SLC44A5: variants seen among roughly 807,000 people sequenced by gnomAD.
SLC44A5 encodes choline transporter-like protein 5.
A neutral mutation model predicts 101.8 loss-of-function variants in SLC44A5; 57 were observed. That is an observed-to-expected ratio of 0.56 (90% CI 0.45 to 0.70). The LOEUF (loss-of-function observed/expected upper bound fraction) is 0.70, where lower values mean the gene tolerates loss of function less well. Among genes scored for constraint, SLC44A5 ranks in the 30% least tolerant of loss-of-function variants. SLC44A5 has a pLI of 0.00. For synonymous variants in SLC44A5, 281 were observed against 290.9 expected (o/e 0.97, Z 0.35); for missense variants, 737 against 853.1 (o/e 0.86, Z 1.70).
At chr1:75,679,248 G>A in the SLC44A5 span, among the ~76,000 whole-genome samples, 17 of 152,082 alleles carry the variant, frequency 1.1e-4, no homozygotes, top group Non-Finnish European at 2.2e-4. Context: ...TTCAGATTCA[G>A]AAAACACAGA....
At chr1:75,519,679 A>AG (rs1670014431) in intron 2 of SLC44A5, among the ~76,000 whole-genome samples, 1 of 152,270 alleles carries the variant, frequency 6.6e-6, no homozygotes, top group South Asian at 2.1e-4. Flanking sequence ...ATAGCTCAGC[A>AG]GACTAAAGCC....
rs139801834 is a variant in SLC44A5 at position 75,565,896 on chromosome 1, C to T, written c.-69-24380G>A. On this transcript the variant is annotated intron_variant, in intron 1 of 23. Coordinates refer to ENST00000370859, the MANE Select transcript of SLC44A5 (RefSeq NM_001130058.2). Reference sequence around the variant, plus strand: ...AGGTAATGAAGTAGCATCTGAAATACAAATTTTTAAAATCCTAGTTGGCAT... The same window carrying T: ...AGGTAATGAAGTAGCATCTGAAATATAAATTTTTAAAATCCTAGTTGGCAT... 5.7e-3 allele frequency among the ~76,000 whole-genome samples: 868 copies of T among 152,230 alleles called. 15 individuals are homozygous for T. The highest frequency in any genetic ancestry group is 0.035 in the Admixed American group (533 of 15,284).
chr1:75,662,877 T>C, the SLC44A5 span, among the ~76,000 whole-genome samples: 3 of 152,142 alleles, frequency 2.0e-5, no homozygotes, highest in African/African-American at 7.2e-5. Flanking sequence ...CATATAGTCA[T>C]TTGGCCTTTC....
At chr1:75,700,433 A>C in the SLC44A5 span, among the ~76,000 whole-genome samples, 3 of 149,506 alleles carry the variant, frequency 2.0e-5, no homozygotes, top group Admixed American at 6.7e-5. Context: ...ATGAAGGCAG[A>C]AATAAAGATG....
intron 2 of SLC44A5, among the ~76,000 whole-genome samples, chr1:75,502,173 G>C (rs976686771): frequency 6.6e-6 from 1 of 152,134 alleles, no homozygotes; most frequent in East Asian, 1.9e-4. Context: ...GTCAAATTCT[G>C]TACTACACAC....
At chr1:75,347,132 A>T (rs529203567) in intron 3 of SLC44A5, among the ~76,000 whole-genome samples, 1 of 152,332 alleles carries the variant, frequency 6.6e-6, no homozygotes, top group Admixed American at 6.5e-5. Flanking sequence ...ATTAAACTTA[A>T]GAATAAATAC....
In SLC44A5 at chr1:75,213,696, A is replaced by G; in HGVS notation, c.1962+9T>C. On this transcript the variant is annotated intron_variant, in intron 22 of 23. Transcript: ENST00000370859. ...AGCAGCCTGTACTGACTCAGACACC[A>G]GCTCTTACCAGCAAAGGTACCCAGT... is the stretch of plus-strand genomic sequence containing the variant. 6.3e-7 allele frequency: 1 copy of G among 1,585,972 alleles called. No individual in the cohort carries two copies. The highest frequency in any genetic ancestry group is 8.7e-7 in the Non-Finnish European group (1 of 1,154,970).
chr1:75,684,518 TTGGAGAAATTGGCCAATTTCAAAG>T, the SLC44A5 span, among the ~76,000 whole-genome samples: 62 of 152,224 alleles, frequency 4.1e-4, no homozygotes, highest in South Asian at 1.5e-3. Context: ...ATTAGCTAAA[TTGGAGAAATTGGCCAATTTCAAAG>T]TGGAGAAATT....
At chr1:75,666,025 G>A in the SLC44A5 span, among the ~76,000 whole-genome samples, 2 of 152,132 alleles carry the variant, frequency 1.3e-5, no homozygotes, top group Admixed American at 6.5e-5. Flanking sequence ...GTTGATAGGA[G>A]TATTAATTGC....
chr1:75,564,705 A>C (rs978547326), intron 1 of SLC44A5, among the ~76,000 whole-genome samples: 2 of 151,698 alleles, frequency 1.3e-5, no homozygotes, highest in Non-Finnish European at 2.9e-5. Context: ...CTGCAAGCTC[A>C]GCCTCCTGGG....
At chr1:75,637,876 C>A in the SLC44A5 span, among the ~76,000 whole-genome samples, 2 of 151,926 alleles carry the variant, frequency 1.3e-5, 1 homozygote, top group South Asian at 4.2e-4. Context: ...ATGAGATCCC[C>A]TTAAATTAGC....
intron 2 of SLC44A5, among the ~76,000 whole-genome samples, chr1:75,429,824 G>A (rs1465143969): frequency 2.0e-5 from 3 of 152,288 alleles, no homozygotes; most frequent in East Asian, 1.9e-4. Context: ...TCATGAGGGA[G>A]CTCCAAATGC....
chr1:75,322,105 G>C (rs1656200071), intron 4 of SLC44A5, among the ~76,000 whole-genome samples: 1 of 152,164 alleles, frequency 6.6e-6, no homozygotes, highest in Non-Finnish European at 1.5e-5. Context: ...GAGGTCAGGA[G>C]TTTGAGACCA....
At chr1:75,450,598 C>T (rs1433134512) in intron 2 of SLC44A5, among the ~76,000 whole-genome samples, 1 of 152,192 alleles carries the variant, frequency 6.6e-6, no homozygotes, top group African/African-American at 2.4e-5. Context: ...GCTGCTACTG[C>T]TGCAGTTTCC....
the SLC44A5 span, among the ~76,000 whole-genome samples, chr1:75,722,739 C>CTTAA: frequency 1.3e-5 from 2 of 152,156 alleles, no homozygotes; most frequent in Non-Finnish European, 2.9e-5. Context: ...TTCCTTTTGT[C>CTTAA]TTAAGTTATC....
chr1:75,210,581 T>C (rs1383660766), intron 23 of SLC44A5, among the ~76,000 whole-genome samples: 1 of 152,194 alleles, frequency 6.6e-6, no homozygotes, highest in African/African-American at 2.4e-5. Context: ...CTTGTCATCT[T>C]GGCTTTATCA....
Position 75,227,786 on chromosome 1 carries a change from T to A in SLC44A5, c.925A>T (p.Ile309Phe). ...RPSSVLTIYD[I>F]GIQTNISMYF... ...ATGCTTATGTTAGTCTGAATCCCGA[T>A]GTCATAGATAGTTAATACAGAACTT... Residue 309 changes from isoleucine to phenylalanine, a missense_variant, in exon 13 of 24, where the codon ATC becomes TTC. This residue lies in a region of SLC44A5 where 665 missense variants were observed against 764.4 expected (regional missense o/e 0.87). Transcript: ENST00000370859. The A allele has an allele frequency of 6.3e-7, 1 of 1,595,984 alleles. No individual in the cohort carries two copies. Among genetic ancestry groups the A allele is most frequent in the South Asian group, 1.2e-5 (1 of 86,874 alleles).
the SLC44A5 span, among the ~76,000 whole-genome samples, chr1:75,657,699 A>C: frequency 2.4e-4 from 36 of 152,296 alleles, no homozygotes; most frequent in African/African-American, 8.4e-4. Context: ...CTAATAATTA[A>C]GGGGTCAATT....
rs961107260 is a variant in SLC44A5, at chr1:75,203,443, C to T, written c.*284G>A. On this transcript the variant is annotated 3_prime_UTR_variant, in exon 24 of 24. Coordinates refer to ENST00000370859, the MANE Select transcript of SLC44A5 (RefSeq NM_001130058.2). The stretch of plus-strand genomic sequence containing the variant: ...AATCTAAGATTTAAAAGAATATTAA[C>T]ATATTCAGTAGTATTTTCAAAACAT... 8.6e-6 allele frequency: 2 copies of T among 231,698 alleles called. No individual in the cohort carries two copies. The highest frequency in any genetic ancestry group is 1.7e-5 in the Non-Finnish European group (2 of 120,632). The allele number at this position is 231,698 out of a possible 1,614,324, so 14.4% of individuals were successfully genotyped here.
Sources: allele counts gnomAD v4.1 joint callset (sites outside exome capture counted in the v4.1 genomes callset), GRCh38; gene constraint gnomAD v4.1.1; regional missense constraint gnomAD v4.1.1; transcripts MANE v1.5; gene names NCBI Gene and HGNC (gene_info 2026-07-23, HGNC 2026-07-21).